ADGRL3: variants seen among roughly 807,000 people sequenced by gnomAD.
The protein encoded by ADGRL3 is calcium-independent alpha-latrotoxin receptor 3.
Under a neutral mutation model 153.5 loss-of-function variants are expected in ADGRL3, and 62 were observed. The ratio of observed to expected loss-of-function variants is 0.40; its 90% CI spans 0.33 to 0.50. ADGRL3 has a LOEUF of 0.50. Ranked by LOEUF, ADGRL3 falls within the 20% of genes least tolerant of loss-of-function variation. The pLI is 0.47. For synonymous variants in ADGRL3, 710 were observed against 672.5 expected (o/e 1.06, Z -0.86); for missense variants, 1,641 against 1,859.4 (o/e 0.88, Z 2.16).
At chr4:61,847,970 T>C (rs1260984838) in intron 9 of ADGRL3, among the ~76,000 whole-genome samples, 1 of 16,532 alleles carries the variant, frequency 6.0e-5, no homozygotes, top group African/African-American at 1.8e-4. Flanking sequence ...ATATTATATA[T>C]ATAATATAAA....
intron 1 of ADGRL3, among the ~76,000 whole-genome samples, chr4:61,280,912 A>G (rs996925395): frequency 6.6e-6 from 1 of 152,148 alleles, no homozygotes; most frequent in African/African-American, 2.4e-5. Context: ...TTATGGAACA[A>G]GAAAGATGAA....
At chr4:61,746,533 A>G (rs2096663909) in intron 8 of ADGRL3, among the ~76,000 whole-genome samples, 1 of 152,196 alleles carries the variant, frequency 6.6e-6, no homozygotes, top group South Asian at 2.1e-4. Flanking sequence ...CAATCAAACT[A>G]GAACTCAGGA....
intron 9 of ADGRL3, among the ~76,000 whole-genome samples, chr4:61,891,235 G>A (rs1044787350): frequency 6.6e-6 from 1 of 152,094 alleles, no homozygotes; most frequent in African/African-American, 2.4e-5. Context: ...TTCAAATAGA[G>A]GCATGAGACA....
At chr4:61,553,529 A>G (rs994715125) in intron 4 of ADGRL3, among the ~76,000 whole-genome samples, 1 of 152,222 alleles carries the variant, frequency 6.6e-6, no homozygotes, top group African/African-American at 2.4e-5. Flanking sequence ...AAATAGATTC[A>G]GCCTCCAAGT....
chr4:61,312,952 CA>C (rs1254024167), intron 1 of ADGRL3, among the ~76,000 whole-genome samples: 1 of 152,008 alleles, frequency 6.6e-6, no homozygotes, highest in African/African-American at 2.4e-5. Context: ...TCTTAATTGC[CA>C]AAACTTGGAG....
chr4:61,884,839 G>A (rs1041062360), intron 9 of ADGRL3, among the ~76,000 whole-genome samples: 1 of 151,394 alleles, frequency 6.6e-6, no homozygotes, highest in Admixed American at 6.6e-5. Flanking sequence ...TGGTCAGCCT[G>A]GTATGGAACC....
rs138364704 is a variant in ADGRL3 at position 61,612,563 on chromosome 4, A to G, written c.473+25123A>G. Among the ~76,000 whole-genome samples, 1,087 of 152,332 alleles carry G rather than the reference A, an allele frequency of 7.1e-3. 17 individuals are homozygous for G. The highest frequency in any genetic ancestry group is 8.1e-3 in the Non-Finnish European group (553 of 68,034). ...TTTTCCTTACTTCTACAGGATAGTTATTACCTTCAGTAGATAGAGTAACGT... is the reference window on the plus strand; with the variant it reads ...TTTTCCTTACTTCTACAGGATAGTTGTTACCTTCAGTAGATAGAGTAACGT... On this transcript the variant is annotated intron_variant, in intron 5 of 26. Coordinates refer to ENST00000683033, the MANE Select transcript of ADGRL3 (RefSeq NM_001387552.1).
chr4:62,052,119 A>C (rs1414773981), intron 25 of ADGRL3, among the ~76,000 whole-genome samples: 1 of 151,578 alleles, frequency 6.6e-6, no homozygotes, highest in Non-Finnish European at 1.5e-5. Context: ...TGGTAGTCAA[A>C]GTAACTTGTC....
intron 5 of ADGRL3, among the ~76,000 whole-genome samples, chr4:61,676,075 G>A (rs1026094218): frequency 2.0e-5 from 3 of 151,612 alleles, no homozygotes; most frequent in African/African-American, 7.3e-5. Flanking sequence ...TTATTTCACT[G>A]AACATGATAA....
At chr4:61,553,900 A>T (rs1273767505) in intron 4 of ADGRL3, among the ~76,000 whole-genome samples, 3 of 152,132 alleles carry the variant, frequency 2.0e-5, no homozygotes, top group Admixed American at 6.6e-5. Flanking sequence ...ATGCAAATGG[A>T]GAGTATTTGA....
At chr4:61,876,946 A>C (rs566266864) in intron 9 of ADGRL3, among the ~76,000 whole-genome samples, 1 of 150,628 alleles carries the variant, frequency 6.6e-6, no homozygotes, top group Non-Finnish European at 1.5e-5. Flanking sequence ...TATCCACATC[A>C]TTGAAGATGA....
chr4:61,767,048 C>A lies in ADGRL3; in HGVS notation c.1399+33494C>A, dbSNP rs963483352. On this transcript the variant is annotated intron_variant, in intron 8 of 26. Transcript: ENST00000683033. ...AGTGTGCTGTGGGATGGGATATTGG[C>A]GTTGAGTGGGGTAAGGGTGATTAGG... Among the ~76,000 whole-genome samples, 36 of 151,768 alleles carry A rather than the reference C, an allele frequency of 2.4e-4. 1 individual carries two copies. Among genetic ancestry groups the A allele is most frequent in the Non-Finnish European group, 3.2e-4 (22 of 67,970 alleles).
rs1315169831 is a variant in ADGRL3, at chr4:61,200,602, GC to G, written c.-1398del. ...CCGCCGCCACCGCCGCCTGTGACTC[GC>G]CCCCTCCCCTTTCTTTCTTCTCTTT... On this transcript the variant is annotated 5_prime_UTR_variant, in exon 1 of 27. Coordinates refer to ENST00000683033, the MANE Select transcript of ADGRL3 (RefSeq NM_001387552.1). Among the ~76,000 whole-genome samples the G allele has an allele frequency of 4.6e-5, 7 of 151,964 alleles. No individual in the cohort carries two copies. The highest frequency in any genetic ancestry group is 1.0e-4 in the Non-Finnish European group (7 of 67,980).
intron 2 of ADGRL3, among the ~76,000 whole-genome samples, chr4:61,419,107 T>C (rs1372672516): frequency 6.6e-6 from 1 of 150,806 alleles, no homozygotes; most frequent in Non-Finnish European, 1.5e-5. Context: ...GTAGATTTAA[T>C]ATATAATATA....
At chr4:61,986,433 C>T (rs2150918293) in intron 19 of ADGRL3, among the ~76,000 whole-genome samples, 1 of 152,206 alleles carries the variant, frequency 6.6e-6, no homozygotes, top group African/African-American at 2.4e-5. Context: ...TAGTAGAAAT[C>T]TATCTTTTCT....
At chr4:61,237,280 C>T (rs1753205900) in intron 1 of ADGRL3, among the ~76,000 whole-genome samples, 1 of 152,132 alleles carries the variant, frequency 6.6e-6, no homozygotes, top group Admixed American at 6.6e-5. Flanking sequence ...AGTATTTTTA[C>T]ATTGCCATAT....
chr4:61,870,773 A>G (rs919987018), intron 9 of ADGRL3, among the ~76,000 whole-genome samples: 1 of 152,194 alleles, frequency 6.6e-6, no homozygotes, highest in African/African-American at 2.4e-5. Context: ...ATGACCTGTA[A>G]TCAAAATGAC....
chr4:61,432,658 T>TCTTTCTTTC, intron 2 of ADGRL3, among the ~76,000 whole-genome samples: 1 of 99,898 alleles, frequency 1.0e-5, no homozygotes, highest in South Asian at 3.6e-4. Context: ...TTCTTTCTTT[T>TCTTTCTTTC]TTTTTTTTTT....
At chr4:61,956,546 T>A (rs79921994) in intron 17 of ADGRL3, among the ~76,000 whole-genome samples, 4 of 152,202 alleles carry the variant, frequency 2.6e-5, no homozygotes, top group Admixed American at 2.6e-4. Flanking sequence ...TTTAATTAGA[T>A]CTCATTTGTC....
Sources: gnomAD v4.1 joint callset for allele counts (sites outside exome capture counted in the v4.1 genomes callset) on GRCh38, gnomAD v4.1.1 for gene constraint, MANE v1.5 for transcripts, NCBI Gene and HGNC (gene_info 2026-07-23, HGNC 2026-07-21) for gene names.